The following SASH1 variants were observed in gnomAD, a reference collection of about 807,000 sequenced individuals.
The protein encoded by SASH1 is SAM and SH3 domain containing 1.
A neutral mutation model predicts 125.2 loss-of-function variants in SASH1; 44 were observed. The observed-to-expected ratio is 0.35, with a 90% CI of 0.28 to 0.45. The LOEUF (loss-of-function observed/expected upper bound fraction) is 0.45. SASH1 is among the 20% of genes least tolerant of loss of function. The pLI is 1.00. For synonymous variants in SASH1, 639 were observed against 649.1 expected, an observed-to-expected ratio of 0.98 and a Z score of 0.24; for missense variants, 1,426 against 1,614.5, an observed-to-expected ratio of 0.88 and a Z score of 2.00.
At position 148,411,166 on chromosome 6, in the gene SASH1, CAAAAAAAAAAAAAAAAAA is replaced by C. The variant is rs56342457; in HGVS notation, c.285+20917_285+20934del. 2.2e-4 allele frequency among the ~76,000 whole-genome samples: 10 copies of C among 46,182 alleles called. No homozygotes were observed. In the East Asian group the frequency reaches 2.3e-3, roughly 11 times the overall value. 30.3% of individuals were successfully genotyped at this position (46,182 alleles called of 152,430 possible). A position where few individuals can be genotyped will look rare whatever the true frequency, so the allele number is the denominator to read the frequency against. On this transcript the variant is annotated intron_variant, in intron 2 of 19. Coordinates refer to ENST00000367467, the MANE Select transcript of SASH1 (RefSeq NM_015278.5). ...TACAACAAGAGCGAAACTCCATCTC[CAAAAAAAAAAAAAAAAAA>C]AAAAAAAAAAAAGGCCTTCCAGGTC... is the stretch of plus-strand genomic sequence containing the variant.
chr6:148,470,284 G>C (rs1338699166), intron 5 of SASH1, among the ~76,000 whole-genome samples: 2 of 152,168 alleles, frequency 1.3e-5, no homozygotes, highest in African/African-American at 4.8e-5. Flanking sequence ...AGGGCATCCT[G>C]TTTTGACAGA....
chr6:148,512,809 A>G, intron 8 of SASH1: 1 of 985,098 alleles, frequency 1.0e-6, no homozygotes, highest in Non-Finnish European at 1.2e-6. Context: ...AGATATTAAT[A>G]CACTTTACAG....
chr6:148,345,695 A>G (rs1330143645), intron 1 of SASH1, among the ~76,000 whole-genome samples: 1 of 152,220 alleles, frequency 6.6e-6, no homozygotes, highest in Non-Finnish European at 1.5e-5. Flanking sequence ...CACTGAAACA[A>G]GAGACACCAT....
At chr6:148,491,141 G>A (rs1256656944) in intron 8 of SASH1, among the ~76,000 whole-genome samples, 2 of 152,178 alleles carry the variant, frequency 1.3e-5, no homozygotes, top group Non-Finnish European at 2.9e-5. Context: ...ATCAAAATTG[G>A]TTGTACATAT....
At chr6:148,496,182 C>G (rs1779304512) in intron 8 of SASH1, among the ~76,000 whole-genome samples, 1 of 152,168 alleles carries the variant, frequency 6.6e-6, no homozygotes, top group Non-Finnish European at 1.5e-5. Flanking sequence ...AAATAACTTT[C>G]ATTTCTGAAT....
At chr6:148,337,369 G>A (rs1280628134) in intron 1 of SASH1, among the ~76,000 whole-genome samples, 11 of 152,102 alleles carry the variant, frequency 7.2e-5, no homozygotes, top group African/African-American at 2.4e-4. Flanking sequence ...GACTACAGGC[G>A]CCCGCCACCA....
chr6:148,513,199 TC>T (rs1780248586), intron 8 of SASH1: 1 of 985,354 alleles, frequency 1.0e-6, no homozygotes. Context: ...AGATTTGTAT[TC>T]AGAGATGAGG....
chr6:148,421,451 G>A (rs1360392755), intron 2 of SASH1, among the ~76,000 whole-genome samples: 1 of 152,194 alleles, frequency 6.6e-6, no homozygotes, highest in Non-Finnish European at 1.5e-5. Flanking sequence ...CTACAGGCCT[G>A]TGCCACCATG....
chr6:148,329,990 G>A (rs1173886882), intron 1 of SASH1, among the ~76,000 whole-genome samples: 6 of 152,092 alleles, frequency 3.9e-5, no homozygotes, highest in Non-Finnish European at 4.4e-5. Context: ...GACACAAACA[G>A]GGTTAACCTC....
At chr6:148,301,199 G>T (rs939384534) in intron 1 of SASH1, among the ~76,000 whole-genome samples, 1 of 151,692 alleles carries the variant, frequency 6.6e-6, no homozygotes. Flanking sequence ...GGTGGTGCAT[G>T]CCTGTAATCC....
intron 8 of SASH1, among the ~76,000 whole-genome samples, chr6:148,490,027 A>AC (rs1779036327): frequency 6.8e-6 from 1 of 146,496 alleles, no homozygotes; most frequent in Non-Finnish European, 1.5e-5. Flanking sequence ...AAAAAAAAAA[A>AC]AAAAAACAAG....
chr6:148,481,778 A>G (rs1778628547), intron 7 of SASH1, among the ~76,000 whole-genome samples: 1 of 152,222 alleles, frequency 6.6e-6, no homozygotes, highest in African/African-American at 2.4e-5. Context: ...ACAGGTCACC[A>G]TAACAGATGT....
chr6:148,341,333 T>G (rs1175676610), upstream of SASH1, among the ~76,000 whole-genome samples: 6 of 148,306 alleles, frequency 4.0e-5, no homozygotes, highest in Non-Finnish European at 7.4e-5. Context: ...TTTTTTTGTT[T>G]TTTTTTTTTT....
intron 8 of SASH1, among the ~76,000 whole-genome samples, chr6:148,494,719 C>A (rs890546485): frequency 1.3e-5 from 2 of 152,176 alleles, no homozygotes; most frequent in African/African-American, 2.4e-5. Flanking sequence ...TGTGTGCACT[C>A]TTCATAGCCT....
chr6:148,323,645 TG>T (rs1780712051), intron 1 of SASH1, among the ~76,000 whole-genome samples: 2 of 152,130 alleles, frequency 1.3e-5, no homozygotes, highest in Admixed American at 1.3e-4. Flanking sequence ...GGATAACTGC[TG>T]TGATAGGAAA....
intron 1 of SASH1, among the ~76,000 whole-genome samples, chr6:148,305,623 CAAAAAAAAAA>C (rs59521298): frequency 4.8e-5 from 5 of 104,380 alleles, no homozygotes; most frequent in African/African-American, 1.9e-4. Flanking sequence ...GACTCTGACT[CAAAAAAAAAA>C]AAAAAAAAAA....
chr6:148,244,904 ATG>A, the SASH1 span, among the ~76,000 whole-genome samples: 24,486 of 117,238 alleles, frequency 0.21, 2,283 homozygotes, highest in East Asian at 0.39. Context: ...GGCCTGGGGC[ATG>A]TGTGTGTGTG....
intron 1 of SASH1, among the ~76,000 whole-genome samples, chr6:148,295,525 G>T (rs1297300397): frequency 6.6e-6 from 1 of 152,214 alleles, no homozygotes; most frequent in Non-Finnish European, 1.5e-5. Context: ...CTTGGAGAGG[G>T]GGAGTAATGG....
chr6:148,367,204 G>A (rs1371474398), intron 1 of SASH1, among the ~76,000 whole-genome samples: 1 of 152,082 alleles, frequency 6.6e-6, no homozygotes, highest in South Asian at 2.1e-4. Context: ...GATTACAGGC[G>A]TGAGCCACCG....
Sources: allele counts gnomAD v4.1 joint callset (sites outside exome capture counted in the v4.1 genomes callset), GRCh38; gene constraint gnomAD v4.1.1; transcripts MANE v1.5; gene names NCBI Gene and HGNC (gene_info 2026-07-23, HGNC 2026-07-21).